Variants in KSR2 observed in about 807,000 individuals in gnomAD.
KSR2 encodes the protein kinase suppressor of ras 2.
In KSR2, 25 loss-of-function variants were observed where a neutral mutation model predicts 107.8. The ratio of observed to expected loss-of-function variants is 0.23; its 90% CI spans 0.17 to 0.32. The LOEUF is 0.32. KSR2 is among the 10% of genes least tolerant of loss of function. KSR2 has a pLI of 1.00. For synonymous variants in KSR2, 480 were observed against 507.0 expected (o/e 0.95, Z 0.71); for missense variants, 887 against 1,268.9 (o/e 0.70, Z 4.57).
At chr12:117,676,249 G>C (rs1170064115) in intron 4 of KSR2, among the ~76,000 whole-genome samples, 1 of 152,158 alleles carries the variant, frequency 6.6e-6, no homozygotes, top group Admixed American at 6.5e-5. Context: ...CACTCCCCAA[G>C]CATGGCATTA....
intron 1 of KSR2, among the ~76,000 whole-genome samples, chr12:117,959,860 G>T (rs1375240502): frequency 6.6e-6 from 1 of 151,242 alleles, no homozygotes; most frequent in Admixed American, 6.6e-5. Context: ...GAGCCTGGGA[G>T]GTCGAGGCTT....
At chr12:117,740,130 C>T (rs1202016589) in intron 4 of KSR2, among the ~76,000 whole-genome samples, 1 of 150,566 alleles carries the variant, frequency 6.6e-6, no homozygotes, top group African/African-American at 2.4e-5. Context: ...ATTCTTATGC[C>T]TTTGCATCCT....
rs924765413 is a variant in KSR2 at position 117,462,450 on chromosome 12, G to A, written c.*4749C>T. ...CACACAGAGAGATGATGAGGGCAGGGATTGGACTGACACAGCTGCAAGCCA... is the reference window on the plus strand; with the variant it reads ...CACACAGAGAGATGATGAGGGCAGGAATTGGACTGACACAGCTGCAAGCCA... On this transcript the variant is annotated 3_prime_UTR_variant, in exon 20 of 20. Transcript: ENST00000339824. The A allele has an allele frequency of 1.5e-4, 23 of 152,114 alleles. No individual in the cohort carries two copies. The highest frequency in any genetic ancestry group is 5.6e-4 in the African/African-American group (23 of 41,410). 9.4% of individuals were successfully genotyped at this position (152,114 alleles called of 1,614,324 possible). A position where few individuals can be genotyped will look rare whatever the true frequency, so the allele number is the denominator to read the frequency against.
intron 4 of KSR2, among the ~76,000 whole-genome samples, chr12:117,701,005 C>G (rs1886282680): frequency 6.6e-6 from 1 of 152,208 alleles, no homozygotes; most frequent in African/African-American, 2.4e-5. Flanking sequence ...TGGGGAAAAA[C>G]ACAAACCAAC....
chr12:117,640,267 C>T lies in KSR2; in HGVS notation c.1171+27207G>A, dbSNP rs1006345694. ...CTTTTTTTTGAGATGGAGCCCTATT[C>T]AGCCTTGAAGGCTCGCTCTGTCACT... is the stretch of plus-strand genomic sequence containing the variant. On this transcript the variant is annotated intron_variant, in intron 5 of 19. Coordinates refer to ENST00000339824, the MANE Select transcript of KSR2 (RefSeq NM_173598.6). Among the ~76,000 whole-genome samples, 3 of 151,128 alleles carry T rather than the reference C, an allele frequency of 2.0e-5. 1 individual carries two copies. The South Asian group carries it at 6.3e-4, about 32-fold the overall frequency.
At chr12:117,851,337 C>T (rs776335861) in intron 3 of KSR2, among the ~76,000 whole-genome samples, 2 of 152,178 alleles carry the variant, frequency 1.3e-5, no homozygotes, top group Non-Finnish European at 2.9e-5. Context: ...GCCTGTGATC[C>T]CAGCACTTTA....
At chr12:117,708,867 C>T (rs1314498533) in intron 4 of KSR2, among the ~76,000 whole-genome samples, 1 of 152,176 alleles carries the variant, frequency 6.6e-6, no homozygotes, top group Non-Finnish European at 1.5e-5. Context: ...CAACAGTAAA[C>T]GGCTTAAAAC....
Position 117,557,007 on chromosome 12 carries a change from A to C in KSR2, c.1393+1499T>G, listed in dbSNP as rs1877746826. Among the ~76,000 whole-genome samples the C allele has an allele frequency of 2.0e-5, 3 of 152,208 alleles. No individual in the cohort carries two copies. In the South Asian group the frequency reaches 6.2e-4, roughly 32 times the overall value. ...TGGTGAAACCCTGTCTCTATTAAAA[A>C]TCCAAAAAGCAGCTGGGTATGGTGG... is the stretch of plus-strand genomic sequence containing the variant. On this transcript the variant is annotated intron_variant, in intron 8 of 19. Coordinates refer to ENST00000339824, the MANE Select transcript of KSR2 (RefSeq NM_173598.6).
At chr12:117,487,409 G>T (rs1193479912) in intron 14 of KSR2, among the ~76,000 whole-genome samples, 5 of 152,304 alleles carry the variant, frequency 3.3e-5, no homozygotes, top group Admixed American at 3.3e-4. Flanking sequence ...TGTCTGAGGA[G>T]GTCACCCAGC....
At chr12:117,615,834 GT>G (rs1197061126) in intron 5 of KSR2, among the ~76,000 whole-genome samples, 1 of 152,198 alleles carries the variant, frequency 6.6e-6, no homozygotes, top group African/African-American at 2.4e-5. Context: ...TGTATTGCTT[GT>G]TAAGCCAGTA....
At chr12:117,859,977 G>C (rs955687358) in intron 2 of KSR2, among the ~76,000 whole-genome samples, 3 of 152,218 alleles carry the variant, frequency 2.0e-5, no homozygotes, top group African/African-American at 7.2e-5. Flanking sequence ...AGCACAGATA[G>C]AAAATATTTC....
At position 117,952,951 on chromosome 12, in the gene KSR2, C is replaced by A. The variant is rs939010091; in HGVS notation, c.180+15125G>T. ...CGTTAGCCAAGATTGCACCACTGTA[C>A]TCCAGCCTGGGCAATAGAGTGAGAC... On this transcript the variant is annotated intron_variant, in intron 1 of 19. Coordinates refer to ENST00000339824, the MANE Select transcript of KSR2 (RefSeq NM_173598.6). Among the ~76,000 whole-genome samples, 16 of 142,598 alleles carry A rather than the reference C, an allele frequency of 1.1e-4. 1 individual carries two copies. The highest frequency in any genetic ancestry group is 9.7e-4 in the Admixed American group (13 of 13,452). 93.5% of individuals were successfully genotyped at this position (142,598 alleles called of 152,430 possible).
intron 3 of KSR2, among the ~76,000 whole-genome samples, chr12:117,772,072 T>C (rs1593221164): frequency 8.2e-6 from 1 of 121,826 alleles, no homozygotes; most frequent in African/African-American, 3.2e-5. Context: ...TACACGCCGT[T>C]CCCCCAAAGA....
rs575715832 is a variant in KSR2, at chr12:117,921,382, C to A, written c.180+46694G>T. ...AATTGAATAAAGCTGTCTTTGAAGC[C>A]ACACACAGTGAGATCTTATTATAGA... On this transcript the variant is annotated intron_variant, in intron 1 of 19. Coordinates refer to ENST00000339824, the MANE Select transcript of KSR2 (RefSeq NM_173598.6). Among the ~76,000 whole-genome samples the A allele has an allele frequency of 1.1e-4, 16 of 152,232 alleles. No individual in the cohort carries two copies. The South Asian group carries it at 3.3e-3, about 32-fold the overall frequency.
At position 117,467,158 on chromosome 12, in the gene KSR2, C is replaced by A; in HGVS notation, c.*41G>T. 1.5e-6 allele frequency: 1 copy of A among 676,756 alleles called. No individual in the cohort carries two copies. Among genetic ancestry groups the A allele is most frequent in the South Asian group, 1.8e-5 (1 of 56,558 alleles). The allele number at this position is 676,756 out of a possible 1,614,324, so 41.9% of individuals were successfully genotyped here. ...GGACAGAGTAGGGAGGGAGAGGTGA[C>A]GGGAGCCCAGGCAGCTGGGCGCCGT... On this transcript the variant is annotated 3_prime_UTR_variant, in exon 20 of 20. Coordinates refer to ENST00000339824, the MANE Select transcript of KSR2 (RefSeq NM_173598.6).
chr12:117,817,697 C>T lies in KSR2; in HGVS notation c.472+37731G>A, dbSNP rs560792897. Among the ~76,000 whole-genome samples, 19 of 152,306 alleles carry T rather than the reference C, an allele frequency of 1.2e-4. No individual in the cohort carries two copies. In the South Asian group the frequency reaches 2.7e-3, roughly 22 times the overall value. ...TTTGTGTGCCAACATTGATTAAAAA[C>T]ATGCTATACACAAGACCTGAATTAT... On this transcript the variant is annotated intron_variant, in intron 3 of 19. Transcript: ENST00000339824.
At chr12:117,880,676 C>A (rs1893996372) in intron 1 of KSR2, among the ~76,000 whole-genome samples, 1 of 151,528 alleles carries the variant, frequency 6.6e-6, no homozygotes, top group African/African-American at 2.4e-5. Context: ...CCACTAACCC[C>A]TCCTCATATT....
rs190303931 is a variant in KSR2, at chr12:117,578,800, T to G, written c.1325+319A>C. On this transcript the variant is annotated intron_variant, in intron 7 of 19. Transcript: ENST00000339824. Reference sequence around the variant, plus strand: ...TTATGGTCTGCAAAGCCTAAAATATTTACTATCTGGTCAACTCGAGTAAGA... The same window carrying G: ...TTATGGTCTGCAAAGCCTAAAATATGTACTATCTGGTCAACTCGAGTAAGA... 7.2e-4 allele frequency among the ~76,000 whole-genome samples: 110 copies of G among 152,270 alleles called. 1 individual carries two copies. The highest frequency in any genetic ancestry group is 2.5e-3 in the African/African-American group (102 of 41,548).
rs374609716 is a variant in KSR2 at position 117,794,133 on chromosome 12, CAT to C, written c.473-32611_473-32610del. Among the ~76,000 whole-genome samples the C allele has an allele frequency of 8.6e-4, 111 of 129,784 alleles. 9 individuals are homozygous for C. Among genetic ancestry groups the C allele is most frequent in the African/African-American group, 3.8e-3 (109 of 28,926 alleles). 85.1% of individuals were successfully genotyped at this position (129,784 alleles called of 152,430 possible). ...ACACCAACATGCACACTCACACCAA[CAT>C]GCACACACCCCAACATGCACACATA... On this transcript the variant is annotated intron_variant, in intron 3 of 19. Coordinates refer to ENST00000339824, the MANE Select transcript of KSR2 (RefSeq NM_173598.6).
Sources: gnomAD v4.1 joint callset for allele counts (sites outside exome capture counted in the v4.1 genomes callset) on GRCh38, gnomAD v4.1.1 for gene constraint, MANE v1.5 for transcripts, NCBI Gene and HGNC (gene_info 2026-07-23, HGNC 2026-07-21) for gene names.